Variants in GRIA1 observed in about 807,000 individuals in gnomAD.
GRIA1 encodes glutamate ionotropic receptor AMPA type subunit 1.
A neutral mutation model predicts 99.2 loss-of-function variants in GRIA1; 31 were observed. The ratio of observed to expected loss-of-function variants is 0.31; its 90% CI spans 0.23 to 0.42. GRIA1 has a LOEUF of 0.42. GRIA1 is among the 10% of genes least tolerant of loss of function. The probability of loss-of-function intolerance (pLI) is 1.00; values close to 1 mark genes in which losing one functional copy is unlikely to be tolerated. For missense variants in GRIA1, 782 were observed against 1,157.5 expected, an observed-to-expected ratio of 0.68 and a Z score of 4.71; for synonymous variants, 438 against 432.4, an observed-to-expected ratio of 1.01 and a Z score of -0.16.
At chr5:153,744,297 GAA>G (rs1245877119) in intron 11 of GRIA1, among the ~76,000 whole-genome samples, 12 of 152,090 alleles carry the variant, frequency 7.9e-5, no homozygotes, top group Non-Finnish European at 1.6e-4. Context: ...ATACTTTAAA[GAA>G]AAAAGTTTGT....
chr5:153,616,172 C>T (rs1476858649), intron 2 of GRIA1, among the ~76,000 whole-genome samples: 1 of 152,168 alleles, frequency 6.6e-6, no homozygotes, highest in Non-Finnish European at 1.5e-5. Context: ...GTATGAAATA[C>T]TCCATCCCTC....
At chr5:153,735,123 T>G (rs1761295611) in intron 11 of GRIA1, among the ~76,000 whole-genome samples, 1 of 152,144 alleles carries the variant, frequency 6.6e-6, no homozygotes, top group Non-Finnish European at 1.5e-5. Context: ...ATGTCAATAG[T>G]TCTTAGGTTG....
At chr5:153,631,930 T>C (rs1205343639) in intron 2 of GRIA1, among the ~76,000 whole-genome samples, 1 of 149,476 alleles carries the variant, frequency 6.7e-6, no homozygotes, top group African/African-American at 2.5e-5. Flanking sequence ...TCGGGGGAGG[T>C]GTGGTATGTT....
chr5:153,513,467 T>C (rs1168043329), intron 2 of GRIA1, among the ~76,000 whole-genome samples: 2 of 152,176 alleles, frequency 1.3e-5, no homozygotes, highest in Non-Finnish European at 2.9e-5. Flanking sequence ...GTATTTGGTG[T>C]TTCTCAGGAA....
intron 2 of GRIA1, among the ~76,000 whole-genome samples, chr5:153,509,932 G>A (rs1210072121): frequency 6.6e-6 from 1 of 152,178 alleles, no homozygotes. Flanking sequence ...GAAATGAGGG[G>A]CACAGAGAAT....
chr5:153,774,340 C>A, intron 13 of GRIA1, among the ~76,000 whole-genome samples: 1 of 152,052 alleles, frequency 6.6e-6, no homozygotes. Flanking sequence ...CTGATATATG[C>A]TTAAAGATAA....
chr5:153,655,625 T>C (rs1754884109), intron 4 of GRIA1, among the ~76,000 whole-genome samples, 194 bp from the exon 5 acceptor site: 1 of 152,158 alleles, frequency 6.6e-6, no homozygotes, highest in Non-Finnish European at 1.5e-5. Flanking sequence ...TAATAGGCAG[T>C]CCATGCCTAT....
chr5:153,651,125 G>A (rs1031478006), intron 4 of GRIA1, among the ~76,000 whole-genome samples: 4 of 151,964 alleles, frequency 2.6e-5, no homozygotes, highest in African/African-American at 4.8e-5. Flanking sequence ...CCATTTTAGA[G>A]TTTATGAAAT....
chr5:153,668,953 T>C (rs889845091), intron 5 of GRIA1, among the ~76,000 whole-genome samples: 3 of 152,224 alleles, frequency 2.0e-5, no homozygotes, highest in Non-Finnish European at 4.4e-5. Flanking sequence ...TCTCCACTGG[T>C]GGAGCAGTAG....
chr5:153,673,733 T>C (rs1756369365), intron 5 of GRIA1, among the ~76,000 whole-genome samples: 1 of 152,268 alleles, frequency 6.6e-6, no homozygotes, highest in Non-Finnish European at 1.5e-5. Context: ...GATATGAAAG[T>C]ACTGCACATT....
At chr5:153,568,380 C>T (rs570746259) in intron 2 of GRIA1, among the ~76,000 whole-genome samples, 2 of 152,188 alleles carry the variant, frequency 1.3e-5, no homozygotes, top group Non-Finnish European at 2.9e-5. Context: ...CTCAAACCTA[C>T]TGAATTAAAA....
At chr5:153,634,460 C>G (rs917470547) in intron 2 of GRIA1, among the ~76,000 whole-genome samples, 10 of 152,018 alleles carry the variant, frequency 6.6e-5, no homozygotes, top group African/African-American at 2.2e-4. Context: ...TAGGAGATAA[C>G]AGCTTGTGTA....
chr5:153,590,781 G>C (rs962081385), intron 2 of GRIA1, among the ~76,000 whole-genome samples: 2 of 152,110 alleles, frequency 1.3e-5, no homozygotes, highest in African/African-American at 4.8e-5. Context: ...ACCTGCATTT[G>C]TTAGTTTTTA....
At chr5:153,697,899 G>C (rs1425812092) in intron 8 of GRIA1, 145 bp from the exon 9 acceptor site, 3 of 505,042 alleles carry the variant, frequency 5.9e-6, no homozygotes, top group Non-Finnish European at 1.1e-5. Flanking sequence ...TATTATTTCT[G>C]TTTACCAATA....
intron 2 of GRIA1, among the ~76,000 whole-genome samples, chr5:153,532,756 A>G (rs913953776): frequency 1.5e-4 from 23 of 152,322 alleles, no homozygotes; most frequent in African/African-American, 5.1e-4. Flanking sequence ...CGGTTTGGGA[A>G]GTAGGCTGTA....
At chr5:153,580,034 G>T (rs1016971888) in intron 2 of GRIA1, among the ~76,000 whole-genome samples, 2 of 152,162 alleles carry the variant, frequency 1.3e-5, no homozygotes, top group African/African-American at 2.4e-5. Context: ...AGGACCACAA[G>T]TAGGAGCCCA....
At chr5:153,804,013 A>C (rs967205401) in intron 15 of GRIA1, among the ~76,000 whole-genome samples, 1 of 151,790 alleles carries the variant, frequency 6.6e-6, no homozygotes, top group Non-Finnish European at 1.5e-5. Context: ...CACCCTAGCA[A>C]TCTGCTCTCC....
intron 4 of GRIA1, among the ~76,000 whole-genome samples, chr5:153,652,036 A>C (rs1395600929): frequency 3.9e-5 from 6 of 152,218 alleles, no homozygotes; most frequent in Non-Finnish European, 8.8e-5. Context: ...GAGAATTAAA[A>C]GAATCAATAT....
At chr5:153,579,438 A>C (rs1455898013) in intron 2 of GRIA1, among the ~76,000 whole-genome samples, 4 of 152,226 alleles carry the variant, frequency 2.6e-5, no homozygotes, top group African/African-American at 7.2e-5. Flanking sequence ...GCTGAGAGTC[A>C]AGTCAGCAAG....
Sources: allele counts gnomAD v4.1 joint callset (sites outside exome capture counted in the v4.1 genomes callset), GRCh38; gene constraint gnomAD v4.1.1; transcripts MANE v1.5; gene names NCBI Gene and HGNC (gene_info 2026-07-23, HGNC 2026-07-21).